Variants in SLIT3 observed in about 807,000 individuals in gnomAD.
SLIT3 encodes slit homolog 3 protein.
Under a neutral mutation model 184.0 loss-of-function variants are expected in SLIT3, and 68 were observed. The observed-to-expected ratio is 0.37, with a 90% CI of 0.30 to 0.45. The LOEUF is 0.45. Among genes scored for constraint, SLIT3 ranks in the 20% least tolerant of loss-of-function variants. The pLI, the probability that SLIT3 is intolerant of heterozygous loss-of-function variation, is 1.00. For synonymous variants in SLIT3, 831 were observed against 828.6 expected, an observed-to-expected ratio of 1.00 and a Z score of -0.05; for missense variants, 1,707 against 2,026.0, an observed-to-expected ratio of 0.84 and a Z score of 3.02.
In SLIT3 at chr5:168,762,617, C is replaced by T. The variant is rs1038593723; in HGVS notation, c.1532G>A (p.Cys511Tyr). ...MDLVCPEKCR[C>Y]EGTIVDCSNQ... ...GGAGCAGTCCACAATCGTGCCCTCA[C>T]AGCGACACTTCTCGGGGCACACGAG... Residue 511 changes from cysteine to tyrosine, a missense_variant, in exon 15 of 36, where the codon TGT (cysteine) becomes TAT (tyrosine). This residue lies in a region of SLIT3 where 1,307 missense variants were observed against 1,511.6 expected (regional missense o/e 0.86). Transcript: ENST00000519560. The T allele has an allele frequency of 6.2e-7, 1 of 1,614,124 alleles. No homozygotes were observed. The highest frequency in any genetic ancestry group is 1.3e-5 in the African/African-American group (1 of 75,018).
At chr5:168,775,531 C>A (rs960331470) in intron 12 of SLIT3, among the ~76,000 whole-genome samples, 1 of 147,660 alleles carries the variant, frequency 6.8e-6, no homozygotes, top group Non-Finnish European at 1.5e-5. Context: ...CTCTCACACC[C>A]CCGTTTATTT....
At chr5:169,254,383 G>A (rs932664810) in intron 1 of SLIT3, among the ~76,000 whole-genome samples, 2 of 152,260 alleles carry the variant, frequency 1.3e-5, no homozygotes, top group East Asian at 1.9e-4. Context: ...GTTCTGAACT[G>A]TCAGCAGGAG....
chr5:168,961,166 C>T (rs751730350), intron 4 of SLIT3, among the ~76,000 whole-genome samples: 6 of 152,200 alleles, frequency 3.9e-5, no homozygotes, highest in Non-Finnish European at 5.9e-5. Context: ...GAGACCACTG[C>T]GTCTTTGACT....
At chr5:169,074,159 T>G (rs1028516788) in intron 4 of SLIT3, among the ~76,000 whole-genome samples, 1 of 152,168 alleles carries the variant, frequency 6.6e-6, no homozygotes, top group African/African-American at 2.4e-5. Context: ...ATGTCTAACA[T>G]GTACCCTATA....
chr5:168,938,164 C>A (rs1762220069), intron 4 of SLIT3, among the ~76,000 whole-genome samples: 2 of 152,188 alleles, frequency 1.3e-5, no homozygotes, highest in Admixed American at 6.5e-5. Flanking sequence ...CTGATACATA[C>A]ATTTGCTGTG....
chr5:169,129,252 T>C (rs1292658514), intron 4 of SLIT3, among the ~76,000 whole-genome samples: 1 of 152,142 alleles, frequency 6.6e-6, no homozygotes, highest in Non-Finnish European at 1.5e-5. Flanking sequence ...AAGAGATACT[T>C]ATATTGATAG....
intron 32 of SLIT3, 27 bp from the exon 33 acceptor site, chr5:168,673,358 C>T (rs771873165): frequency 4.3e-5 from 69 of 1,611,952 alleles, no homozygotes; most frequent in Non-Finnish European, 4.8e-5. Flanking sequence ...GGGAGAAAGC[C>T]GGAGAGTTCA....
intron 5 of SLIT3, among the ~76,000 whole-genome samples, chr5:168,871,533 C>T (rs927714239): frequency 2.0e-5 from 3 of 152,040 alleles, no homozygotes; most frequent in Non-Finnish European, 4.4e-5. Context: ...CATTAGAAGC[C>T]ATATGCCGGA....
chr5:169,155,127 A>C (rs297824), intron 4 of SLIT3, among the ~76,000 whole-genome samples: 99,078 of 152,082 alleles, frequency 0.65, 33,716 homozygotes, highest in African/African-American at 0.87. Context: ...TTGGTAACCT[A>C]GCGTCAGCAG....
intron 5 of SLIT3, among the ~76,000 whole-genome samples, chr5:168,849,047 A>G (rs915025425): frequency 2.0e-5 from 3 of 152,216 alleles, no homozygotes; most frequent in Non-Finnish European, 4.4e-5. Context: ...AGATAAAGAA[A>G]GAAGGAAAAG....
At chr5:168,869,742 A>G (rs1432219196) in intron 5 of SLIT3, among the ~76,000 whole-genome samples, 2 of 152,226 alleles carry the variant, frequency 1.3e-5, no homozygotes. Flanking sequence ...CTGCTACTGG[A>G]CCATGTGCTG....
chr5:168,795,485 T>C (rs1298787451), intron 10 of SLIT3, 22 bp downstream of exon 10: 1 of 1,591,534 alleles, frequency 6.3e-7, no homozygotes, highest in Non-Finnish European at 8.6e-7. Flanking sequence ...TTTGGGCCCA[T>C]TTCTCCACAG....
intron 4 of SLIT3, among the ~76,000 whole-genome samples, chr5:169,133,377 G>A (rs1761375186): frequency 6.6e-6 from 1 of 152,190 alleles, no homozygotes; most frequent in Non-Finnish European, 1.5e-5. Context: ...CCCCATGAAT[G>A]TAAAGCCTAG....
At chr5:169,159,557 C>T (rs895578922) in intron 4 of SLIT3, among the ~76,000 whole-genome samples, 16 of 150,828 alleles carry the variant, frequency 1.1e-4, no homozygotes, top group Non-Finnish European at 1.6e-4. Context: ...GGGCGGATCA[C>T]AAGGTCAGCA....
At position 169,116,702 on chromosome 5, in the gene SLIT3, A is replaced by G. The variant is rs528983280; in HGVS notation, c.413+76777T>C. On this transcript the variant is annotated intron_variant, in intron 4 of 35. Coordinates refer to ENST00000519560, the MANE Select transcript of SLIT3 (RefSeq NM_003062.4). ...ACCACAAGTGTTTCTTCCCCTCAAC[A>G]AAAGGTTGAGGTCTGAGGGAGAAAC... Among the ~76,000 whole-genome samples the G allele has an allele frequency of 2.8e-4, 43 of 152,310 alleles. 1 individual carries two copies. Among genetic ancestry groups the G allele is most frequent in the African/African-American group, 9.9e-4 (41 of 41,570 alleles).
chr5:168,722,145 T>G, intron 23 of SLIT3, 111 bp downstream of exon 23: 2 of 898,482 alleles, frequency 2.2e-6, no homozygotes, highest in Non-Finnish European at 3.6e-6. Context: ...GGAAGGTGTG[T>G]TTGGGGGTGG....
At chr5:168,961,722 G>T (rs1369075667) in intron 4 of SLIT3, among the ~76,000 whole-genome samples, 1 of 152,114 alleles carries the variant, frequency 6.6e-6, no homozygotes, top group African/African-American at 2.4e-5. Context: ...GCTCTGTGTG[G>T]TTGCAGAAAA....
At chr5:168,752,880 G>A in intron 18 of SLIT3, 75 bp downstream of exon 18, 2 of 1,424,266 alleles carry the variant, frequency 1.4e-6, no homozygotes, top group Non-Finnish European at 2.0e-6. Flanking sequence ...GCTAGAGGTA[G>A]CAGGGAGCTG....
chr5:169,103,643 G>A (rs1363493238), intron 4 of SLIT3, among the ~76,000 whole-genome samples: 1 of 152,222 alleles, frequency 6.6e-6, no homozygotes, highest in Non-Finnish European at 1.5e-5. Flanking sequence ...ACCGGGAGGT[G>A]GGTGGGTCTG....
Sources: gnomAD v4.1 joint callset for allele counts (sites outside exome capture counted in the v4.1 genomes callset) on GRCh38, gnomAD v4.1.1 for gene constraint, gnomAD v4.1.1 regional missense constraint, MANE v1.5 for transcripts, NCBI Gene and HGNC (gene_info 2026-07-23, HGNC 2026-07-21) for gene names.